TM9SF4: variants seen among roughly 807,000 people sequenced by gnomAD.
TM9SF4 encodes dinucleotide oxidase disulfide thiol exchanger 3 superfamily member 4.
Under a neutral mutation model 90.4 loss-of-function variants are expected in TM9SF4, and 26 were observed. That is an observed-to-expected ratio of 0.29 (90% CI 0.21 to 0.40). The LOEUF (loss-of-function observed/expected upper bound fraction) is 0.40, where lower values mean the gene tolerates loss of function less well. TM9SF4 is among the 10% of genes least tolerant of loss of function. The pLI is 1.00. For missense variants in TM9SF4, 549 were observed against 834.8 expected, an observed-to-expected ratio of 0.66 and a Z score of 4.22; for synonymous variants, 293 against 315.4, an observed-to-expected ratio of 0.93 and a Z score of 0.75.
At position 32,142,034 on chromosome 20, in the gene TM9SF4, G is replaced by A. The variant is rs762419090; in HGVS notation, c.528+139G>A. The A allele has an allele frequency of 5.9e-5, 82 of 1,396,824 alleles. No homozygotes were observed. In the Admixed American group the frequency reaches 1.6e-3, roughly 27 times the overall value. The allele number at this position is 1,396,824 out of a possible 1,614,324, so 86.5% of individuals were successfully genotyped here. ...GGGCATGATGGTCTGTCAGAGGTCC[G>A]AGTGCTCCGGGCAAGTCCCTGGGAG... On this transcript the variant is annotated intron_variant, in intron 5 of 17. Transcript: ENST00000398022.
chr20:32,130,627 C>T (rs1358288312), intron 1 of TM9SF4, among the ~76,000 whole-genome samples: 3 of 152,182 alleles, frequency 2.0e-5, no homozygotes, highest in African/African-American at 7.2e-5. Flanking sequence ...AGTTGGTAGG[C>T]TTTCCATCAC....
At chr20:32,141,987 A>C (rs1341712603) in intron 5 of TM9SF4, 92 bp downstream of exon 5, 30 of 1,571,282 alleles carry the variant, frequency 1.9e-5, no homozygotes, top group Non-Finnish European at 2.6e-5. Flanking sequence ...GCTCGGCCAC[A>C]GCAAGTTTCT....
intron 12 of TM9SF4, among the ~76,000 whole-genome samples, chr20:32,152,847 G>A (rs2046862728): frequency 6.6e-6 from 1 of 152,218 alleles, no homozygotes; most frequent in Admixed American, 6.5e-5. Context: ...AGTAGCACTT[G>A]GCAGAGCTAA....
intron 5 of TM9SF4, among the ~76,000 whole-genome samples, chr20:32,142,472 C>T (rs752373606): frequency 2.0e-5 from 3 of 152,182 alleles, no homozygotes; most frequent in Non-Finnish European, 4.4e-5. Context: ...CCCCAAAGGG[C>T]GTCTGTCCTA....
At chr20:32,165,167 A>T in intron 17 of TM9SF4, 128 bp from the exon 18 acceptor site, 2 of 1,273,820 alleles carry the variant, frequency 1.6e-6, no homozygotes, top group Non-Finnish European at 2.2e-6. Context: ...CTTGCCACCC[A>T]CTGGAGCACG....
chr20:32,137,106 G>A, intron 3 of TM9SF4: 1 of 451,212 alleles, frequency 2.2e-6, no homozygotes, highest in South Asian at 1.6e-5. Context: ...TTGCCTTGTA[G>A]CGTTGAACAG....
At chr20:32,145,897 C>T (rs1230553064) in intron 8 of TM9SF4, among the ~76,000 whole-genome samples, 2 of 152,170 alleles carry the variant, frequency 1.3e-5, no homozygotes, top group South Asian at 2.1e-4. Context: ...AGTGTGAAGG[C>T]TCTTTGGGGA....
intron 8 of TM9SF4, among the ~76,000 whole-genome samples, chr20:32,145,848 C>T (rs2046755280): frequency 6.6e-6 from 1 of 152,180 alleles, no homozygotes; most frequent in Non-Finnish European, 1.5e-5. Flanking sequence ...TTCTATGAAG[C>T]AGATCAACAG....
intron 1 of TM9SF4, among the ~76,000 whole-genome samples, chr20:32,127,116 C>T (rs968759863): frequency 1.3e-5 from 2 of 152,174 alleles, no homozygotes; most frequent in African/African-American, 4.8e-5. Context: ...ATATTGTTCA[C>T]TGCTAATCCT....
chr20:32,112,705 A>C (rs1338942825), intron 1 of TM9SF4, among the ~76,000 whole-genome samples: 15 of 149,758 alleles, frequency 1.0e-4, no homozygotes, highest in Non-Finnish European at 2.1e-4. Context: ...AAAAAAAAAA[A>C]AAAACAAAAA....
At chr20:32,131,697 C>T (rs1415159861) in intron 1 of TM9SF4, among the ~76,000 whole-genome samples, 2 of 152,042 alleles carry the variant, frequency 1.3e-5, no homozygotes, top group Admixed American at 1.3e-4. Context: ...GTGATTTAGG[C>T]GTGTGGAAGA....
chr20:32,158,984 A>G (rs952519353), intron 15 of TM9SF4, among the ~76,000 whole-genome samples: 1 of 151,708 alleles, frequency 6.6e-6, no homozygotes, highest in Non-Finnish European at 1.5e-5. Context: ...TCCATCTAAA[A>G]AAAAAAAAAA....
At chr20:32,160,469 C>G (rs1054813472) in intron 16 of TM9SF4, among the ~76,000 whole-genome samples, 2 of 152,144 alleles carry the variant, frequency 1.3e-5, no homozygotes, top group Non-Finnish European at 2.9e-5. Flanking sequence ...GTGGGTGAAG[C>G]CAGGGTTTGG....
chr20:32,151,371 G>A (rs1025352926), intron 12 of TM9SF4, among the ~76,000 whole-genome samples: 2 of 152,056 alleles, frequency 1.3e-5, no homozygotes, highest in African/African-American at 2.4e-5. Flanking sequence ...CAGCAGAAAA[G>A]CGCGTAGCAA....
chr20:32,154,966 A>G (rs1307269573), intron 12 of TM9SF4, 137 bp from the exon 13 acceptor site: 4 of 697,094 alleles, frequency 5.7e-6, no homozygotes, highest in Non-Finnish European at 1.0e-5. Context: ...GTCAGGGAAT[A>G]CTTTCTGGAA....
chr20:32,152,133 G>A (rs981885398), intron 12 of TM9SF4, among the ~76,000 whole-genome samples: 1 of 151,758 alleles, frequency 6.6e-6, no homozygotes, highest in Non-Finnish European at 1.5e-5. Flanking sequence ...GCCTCCCAAA[G>A]TGCTGGGATT....
chr20:32,120,488 C>T (rs902520692), intron 1 of TM9SF4, among the ~76,000 whole-genome samples: 57 of 147,138 alleles, frequency 3.9e-4, no homozygotes, highest in Non-Finnish European at 1.2e-4. Context: ...TATAGTCTGA[C>T]CTTGGTTAAC....
At chr20:32,163,103 G>A (rs911961031) in intron 17 of TM9SF4, among the ~76,000 whole-genome samples, 1 of 151,554 alleles carries the variant, frequency 6.6e-6, no homozygotes, top group African/African-American at 2.4e-5. Flanking sequence ...AAAATTAGCC[G>A]GGCGTGGTGG....
intron 2 of TM9SF4, among the ~76,000 whole-genome samples, chr20:32,135,683 T>A (rs1158142957): frequency 6.6e-6 from 1 of 152,154 alleles, no homozygotes; most frequent in Non-Finnish European, 1.5e-5. Context: ...GGAGAGAGCT[T>A]GACTGACTCG....
Sources: gnomAD v4.1 joint callset for allele counts (sites outside exome capture counted in the v4.1 genomes callset) on GRCh38, gnomAD v4.1.1 for gene constraint, MANE v1.5 for transcripts, NCBI Gene and HGNC (gene_info 2026-07-23, HGNC 2026-07-21) for gene names.